ZNF423: variants seen among roughly 807,000 people sequenced by gnomAD.
ZNF423 encodes Ebf-associated zinc finger protein.
A neutral mutation model predicts 95.8 loss-of-function variants in ZNF423; 12 were observed. That is an observed-to-expected ratio of 0.13 (90% CI 0.08 to 0.20). The LOEUF is 0.20. Among genes scored for constraint, ZNF423 ranks in the 10% least tolerant of loss-of-function variants. The probability of loss-of-function intolerance (pLI) is 1.00; values close to 1 mark genes in which losing one functional copy is unlikely to be tolerated. For synonymous variants in ZNF423, 749 were observed against 711.9 expected (o/e 1.05, Z -0.83); for missense variants, 1,316 against 1,737.1 (o/e 0.76, Z 4.31).
intron 7 of ZNF423, among the ~76,000 whole-genome samples, chr16:49,499,768 G>C (rs1427326935): frequency 6.6e-6 from 1 of 152,130 alleles, no homozygotes; most frequent in African/African-American, 2.4e-5. Context: ...AATATTGTGG[G>C]GAAGAAAAAA....
intron 3 of ZNF423, among the ~76,000 whole-genome samples, chr16:49,728,425 G>C (rs2033082158): frequency 6.6e-6 from 1 of 152,138 alleles, no homozygotes; most frequent in South Asian, 2.1e-4. Flanking sequence ...CAGGATTTGG[G>C]GGTATTCCTA....
intron 5 of ZNF423, among the ~76,000 whole-genome samples, chr16:49,577,186 C>A (rs1243109379): frequency 6.6e-6 from 1 of 152,184 alleles, no homozygotes; most frequent in African/African-American, 2.4e-5. Flanking sequence ...TGAGCCAAGT[C>A]TCCAAGAATG....
intron 3 of ZNF423, among the ~76,000 whole-genome samples, chr16:49,698,680 G>A (rs914550024): frequency 2.0e-5 from 3 of 152,094 alleles, no homozygotes; most frequent in African/African-American, 7.3e-5. Context: ...CATTCCCCAG[G>A]AAGCCAGCTG....
chr16:49,518,650 C>G (rs566322014), intron 7 of ZNF423: 28 of 398,110 alleles, frequency 7.0e-5, no homozygotes, highest in Non-Finnish European at 1.1e-4. Flanking sequence ...CTGACAACTA[C>G]TGGTCTGTTT....
At chr16:49,545,149 C>T (rs1365340273) in intron 5 of ZNF423, among the ~76,000 whole-genome samples, 3 of 152,236 alleles carry the variant, frequency 2.0e-5, no homozygotes, top group East Asian at 1.9e-4. Context: ...TTGGCCTCTA[C>T]GGAACACTTT....
At chr16:49,679,404 T>C (rs535461292) in intron 3 of ZNF423, among the ~76,000 whole-genome samples, 2 of 152,226 alleles carry the variant, frequency 1.3e-5, no homozygotes, top group South Asian at 2.1e-4. Context: ...CCCCCTCTCC[T>C]GTCCTCACAG....
chr16:49,564,606 T>C (rs1437695492), intron 5 of ZNF423, among the ~76,000 whole-genome samples: 1 of 152,244 alleles, frequency 6.6e-6, no homozygotes, highest in Non-Finnish European at 1.5e-5. Flanking sequence ...AGGACAAAAG[T>C]AGATCTGTGC....
intron 1 of ZNF423, among the ~76,000 whole-genome samples, chr16:49,822,324 C>T (rs966032460): frequency 1.3e-5 from 2 of 152,078 alleles, no homozygotes; most frequent in Non-Finnish European, 2.9e-5. Flanking sequence ...CAGGTGCCCA[C>T]CACCACGCCT....
At chr16:49,760,116 C>T (rs1338465754) in intron 2 of ZNF423, among the ~76,000 whole-genome samples, 4 of 47,560 alleles carry the variant, frequency 8.4e-5, no homozygotes, top group Non-Finnish European at 1.5e-4. Context: ...TGGATGGATG[C>T]GTGGGTGGAT....
chr16:49,709,742 C>G (rs1385628984), intron 3 of ZNF423, among the ~76,000 whole-genome samples: 1 of 152,162 alleles, frequency 6.6e-6, no homozygotes, highest in African/African-American at 2.4e-5. Flanking sequence ...CCCAACATAG[C>G]TTATTAGTCC....
intron 5 of ZNF423, among the ~76,000 whole-genome samples, chr16:49,623,286 C>A (rs1972148017): frequency 1.3e-5 from 2 of 152,206 alleles, no homozygotes; most frequent in Admixed American, 1.3e-4. Context: ...AAGGCGCCTT[C>A]CCTCAGAAGC....
chr16:49,638,258 A>T lies in ZNF423; in HGVS notation c.918T>A (p.Ile306=). The T allele has an allele frequency of 6.2e-7, 1 of 1,612,520 alleles. No homozygotes were observed. Among genetic ancestry groups the T allele is most frequent in the Non-Finnish European group, 8.5e-7 (1 of 1,180,026 alleles). The change falls in exon 4 of 8, where the codon ATT becomes ATA. Residue 306 remains isoleucine (I), a synonymous_variant. Coordinates refer to ENST00000563137, the MANE Select transcript of ZNF423 (RefSeq NM_001379286.1). This position sits in a 1 kb window ranked among gnomAD's most constrained non-coding sequence, Gnocchi z 5.6. ...CGTCGACGAAGACCTCAGGGCAGTG[A>T]ATGCACTGCAGGTCCGCCTTCTCGG... ...QLSEKADLQC[I]HCPEVFVDEN... is the part of the protein sequence containing the mutation.
At chr16:49,814,133 C>T (rs148293547) in intron 1 of ZNF423, among the ~76,000 whole-genome samples, 227 of 151,056 alleles carry the variant, frequency 1.5e-3, no homozygotes, top group Non-Finnish European at 2.7e-3. Flanking sequence ...CCTGAGGAGC[C>T]GGGGCTTCGG....
chr16:49,794,097 T>A (rs1382263318), intron 1 of ZNF423, among the ~76,000 whole-genome samples: 7 of 152,084 alleles, frequency 4.6e-5, no homozygotes, highest in Non-Finnish European at 8.8e-5. Context: ...AGTGCAGTGG[T>A]GTGATCACAG....
intron 3 of ZNF423, among the ~76,000 whole-genome samples, chr16:49,709,484 A>G (rs1056680023): frequency 3.3e-5 from 5 of 152,070 alleles, no homozygotes; most frequent in Non-Finnish European, 4.4e-5. Flanking sequence ...AGGTATGGAA[A>G]CGAGACCATG....
intron 5 of ZNF423, among the ~76,000 whole-genome samples, chr16:49,566,766 C>T (rs1490653757): frequency 6.6e-6 from 1 of 152,078 alleles, no homozygotes; most frequent in East Asian, 1.9e-4. Context: ...GCTTGGCGGG[C>T]AGCGCGGGGA....
chr16:49,768,742 C>A (rs1010454824), intron 2 of ZNF423, among the ~76,000 whole-genome samples: 6 of 150,856 alleles, frequency 4.0e-5, no homozygotes, highest in African/African-American at 7.3e-5. Flanking sequence ...TGCTCACCCC[C>A]CAGTGGGTGC....
At chr16:49,788,506 G>A (rs909568694) in intron 2 of ZNF423, among the ~76,000 whole-genome samples, 1 of 152,226 alleles carries the variant, frequency 6.6e-6, no homozygotes, top group Non-Finnish European at 1.5e-5. Context: ...TATACCTGAT[G>A]CCTAACCGCG....
chr16:49,825,473 CT>C (rs959829129), intron 1 of ZNF423, among the ~76,000 whole-genome samples: 3 of 151,440 alleles, frequency 2.0e-5, no homozygotes, highest in African/African-American at 7.3e-5. Flanking sequence ...CCTGGTGTCA[CT>C]TTGGCCTCTC....
Sources: gnomAD v4.1 joint callset for allele counts (sites outside exome capture counted in the v4.1 genomes callset) on GRCh38, gnomAD v4.1.1 for gene constraint, Gnocchi (gnomAD v3.1) non-coding constraint, MANE v1.5 for transcripts, NCBI Gene and HGNC (gene_info 2026-07-23, HGNC 2026-07-21) for gene names.